Variants in NDUFS6 observed in about 807,000 individuals in gnomAD.
The protein encoded by NDUFS6 is NADH:ubiquinone oxidoreductase subunit S6, also known as NADH dehydrogenase [ubiquinone] iron-sulfur protein 6, mitochondrial.
Under a neutral mutation model 13.2 loss-of-function variants are expected in NDUFS6, and 14 were observed. That is an observed-to-expected ratio of 1.06 (90% CI 0.70 to 1.66). The LOEUF (loss-of-function observed/expected upper bound fraction) is 1.66, where lower values mean the gene tolerates loss of function less well. Among genes scored for constraint, NDUFS6 ranks in the 40% most tolerant of loss-of-function variants. The pLI is 0.00. For synonymous variants in NDUFS6, 95 were observed against 72.3 expected, an observed-to-expected ratio of 1.31 and a Z score of -1.60; for missense variants, 206 against 170.8, an observed-to-expected ratio of 1.21 and a Z score of -1.15.
At position 1,802,327 on chromosome 5, in the gene NDUFS6, G is replaced by A; in HGVS notation, c.139G>A (p.Asp47Asn). The change falls in exon 2 of 4, where the codon GAT becomes AAT. Residue 47 changes from aspartate (D) to asparagine (N), a missense_variant. Asp to Asn is a conservative substitution (Grantham distance 23). Coordinates refer to ENST00000274137, the MANE Select transcript of NDUFS6 (RefSeq NM_004553.6). ...EKVTHTGQVY[D>N]DKDYRRIRFV... Reference sequence around the variant, plus strand: ...TCTTTTTGTTTTTTTCCAGGTTTATGATGATAAAGACTACAGGAGAATTCG... The same window carrying A: ...TCTTTTTGTTTTTTTCCAGGTTTATAATGATAAAGACTACAGGAGAATTCG... The A allele has an allele frequency of 6.2e-7, 1 of 1,613,992 alleles. No individual in the cohort carries two copies. The highest frequency in any genetic ancestry group is 8.5e-7 in the Non-Finnish European group (1 of 1,179,964).
At chr5:1,807,563 G>A (rs914514240) in intron 2 of NDUFS6, among the ~76,000 whole-genome samples, 7 of 152,156 alleles carry the variant, frequency 4.6e-5, no homozygotes, top group African/African-American at 9.7e-5. Flanking sequence ...CCAAGAGGCC[G>A]GCAGGGCAGG....
intron 2 of NDUFS6, among the ~76,000 whole-genome samples, chr5:1,806,978 A>G (rs1734132509): frequency 6.6e-6 from 1 of 152,198 alleles, no homozygotes; most frequent in Non-Finnish European, 1.5e-5. Flanking sequence ...TTAAGGAAGA[A>G]CGCTTGACAC....
chr5:1,802,982 A>G (rs1385015200), intron 2 of NDUFS6, among the ~76,000 whole-genome samples: 1 of 151,974 alleles, frequency 6.6e-6, no homozygotes, highest in Non-Finnish European at 1.5e-5. Flanking sequence ...TCGTAATTAG[A>G]TCAGGCATGC....
At chr5:1,802,122 C>G (rs1734055651) in intron 1 of NDUFS6, 199 bp from the exon 2 acceptor site, 1 of 574,386 alleles carries the variant, frequency 1.7e-6, no homozygotes, top group Non-Finnish European at 3.1e-6. Context: ...GCTCTCTGAT[C>G]CAGGTGACCA....
intron 2 of NDUFS6, among the ~76,000 whole-genome samples, chr5:1,809,608 G>A (rs1734187072): frequency 1.3e-5 from 2 of 152,220 alleles, no homozygotes; most frequent in Non-Finnish European, 2.9e-5. Context: ...CGCCAGTGTC[G>A]AGGCGTCAGC....
intron 1 of NDUFS6, 64 bp from the exon 2 acceptor site, chr5:1,802,257 G>GATAA (rs1457905224): frequency 4.3e-6 from 6 of 1,405,888 alleles, no homozygotes; most frequent in Non-Finnish European, 6.0e-6. Flanking sequence ...ATTTATGATT[G>GATAA]ATATGAAGTG....
intron 2 of NDUFS6, among the ~76,000 whole-genome samples, chr5:1,805,476 T>G (rs2111350417): frequency 6.6e-6 from 1 of 152,346 alleles, no homozygotes. Context: ...CGGGGGTACC[T>G]TCAAAGGAAT....
chr5:1,804,562 G>A (rs918623690), intron 2 of NDUFS6, among the ~76,000 whole-genome samples: 1 of 152,248 alleles, frequency 6.6e-6, no homozygotes, highest in African/African-American at 2.4e-5. Flanking sequence ...TCACACCTTG[G>A]AGGTTCAAGG....
In NDUFS6 at chr5:1,814,895, G is replaced by T. The variant is rs917917164; in HGVS notation, c.309+434G>T. ...CCTCGCTCCGGGGCTTGCAGATGAGGTCTCCTCCCTGTGTCTTCACAGGGC... is the reference window on the plus strand; with the variant it reads ...CCTCGCTCCGGGGCTTGCAGATGAGTTCTCCTCCCTGTGTCTTCACAGGGC... On this transcript the variant is annotated intron_variant, in intron 3 of 3. Coordinates refer to ENST00000274137, the MANE Select transcript of NDUFS6 (RefSeq NM_004553.6). The surrounding 1 kb of genome is among the most constrained non-coding windows in gnomAD (Gnocchi z 4.9). 3.3e-5 allele frequency among the ~76,000 whole-genome samples: 5 copies of T among 152,128 alleles called. No homozygotes were observed. The highest frequency in any genetic ancestry group is 1.2e-4 in the African/African-American group (5 of 41,398).
chr5:1,809,821 G>A (rs1455623069), intron 2 of NDUFS6, among the ~76,000 whole-genome samples: 2 of 152,360 alleles, frequency 1.3e-5, no homozygotes, highest in African/African-American at 2.4e-5. Context: ...TCTGTAAGGC[G>A]CTGCGACAAG....
chr5:1,810,947 C>A (rs1272801889), intron 2 of NDUFS6, among the ~76,000 whole-genome samples: 1 of 152,170 alleles, frequency 6.6e-6, no homozygotes, highest in African/African-American at 2.4e-5. Flanking sequence ...TTCTCTTTCG[C>A]CTCTGCCACC....
intron 2 of NDUFS6, among the ~76,000 whole-genome samples, chr5:1,811,299 G>A (rs1361445003): frequency 1.3e-5 from 2 of 152,050 alleles, no homozygotes; most frequent in Non-Finnish European, 1.5e-5. Context: ...CCCCTGAGTT[G>A]TTCAAGGATT....
At chr5:1,808,081 C>T (rs532014037) in intron 2 of NDUFS6, among the ~76,000 whole-genome samples, 1 of 152,236 alleles carries the variant, frequency 6.6e-6, no homozygotes, top group East Asian at 1.9e-4. Context: ...TGAGGGGCCT[C>T]GGAATTCCAC....
chr5:1,811,251 A>G (rs543323656), intron 2 of NDUFS6, among the ~76,000 whole-genome samples: 5 of 152,174 alleles, frequency 3.3e-5, no homozygotes, highest in African/African-American at 7.2e-5. Flanking sequence ...CAAAAATAAT[A>G]TGCAGATTTT....
chr5:1,801,437 T>C lies in NDUFS6; in HGVS notation c.20T>C (p.Phe7Ser), dbSNP rs1334984505. Residue 7 changes from phenylalanine (F) to serine (S), a missense_variant, in exon 1 of 4, where the codon TTC (phenylalanine) becomes TCC (serine). Physicochemically the swap from Phe to Ser is radical, Grantham distance 155. Coordinates refer to ENST00000274137, the MANE Select transcript of NDUFS6 (RefSeq NM_004553.6). ...CGCAAAATGGCGGCGGCGATGACCT[T>C]CTGCCGGCTGCTGAACCGGTGTGGC... MAAAMTFCRLLNRCGEA... is the reference protein window; with the variant it reads MAAAMTSCRLLNRCGEA... The C allele has an allele frequency of 5.6e-6, 9 of 1,605,076 alleles. No homozygotes were observed. The highest frequency in any genetic ancestry group is 6.8e-6 in the Non-Finnish European group (8 of 1,178,468).
chr5:1,813,679 C>G (rs1262634309), intron 2 of NDUFS6, among the ~76,000 whole-genome samples: 1 of 152,150 alleles, frequency 6.6e-6, no homozygotes, highest in Non-Finnish European at 1.5e-5. Context: ...CAGAGTCTTT[C>G]CCGCACATGC....
chr5:1,812,601 C>G (rs1375342075), intron 2 of NDUFS6, among the ~76,000 whole-genome samples: 1 of 142,892 alleles, frequency 7.0e-6, no homozygotes, highest in Non-Finnish European at 1.5e-5. Flanking sequence ...GTCTGAAGTT[C>G]ATTCTATAAC....
Position 1,814,274 on chromosome 5 carries a change from G to C in NDUFS6, c.187-65G>C. ...ATGGTACATGAATTTGTGTGTGGTG[G>C]GTTAAATTGTATGTAGTTAGCAAGT... On this transcript the variant is annotated intron_variant, in intron 2 of 3. Transcript: ENST00000274137. This position sits in a 1 kb window ranked among gnomAD's most constrained non-coding sequence, Gnocchi z 4.9. The C allele has an allele frequency of 6.5e-7, 1 of 1,532,436 alleles. No homozygotes were observed. The highest frequency in any genetic ancestry group is 1.1e-5 in the South Asian group (1 of 88,472). The allele number at this position is 1,532,436 out of a possible 1,614,324, so 94.9% of individuals were successfully genotyped here.
intron 3 of NDUFS6, 66 bp from the exon 4 acceptor site, chr5:1,815,785 A>G (rs1734298753): frequency 8.0e-6 from 12 of 1,496,518 alleles, no homozygotes; most frequent in Admixed American, 1.7e-5. Context: ...TACATTTTCA[A>G]TGCTTAATAT....
Sources: allele counts gnomAD v4.1 joint callset (sites outside exome capture counted in the v4.1 genomes callset), GRCh38; gene constraint gnomAD v4.1.1; non-coding constraint Gnocchi (gnomAD v3.1); transcripts MANE v1.5; gene names NCBI Gene and HGNC (gene_info 2026-07-23, HGNC 2026-07-21).